TRIM74: variants seen among roughly 807,000 people sequenced by gnomAD.
TRIM74 encodes tripartite motif-containing protein 74.
TRIM74 carries 3 observed loss-of-function variants against 14.5 expected under a neutral mutation model. The ratio of observed to expected loss-of-function variants is 0.21; its 90% CI spans 0.09 to 0.53. The LOEUF (loss-of-function observed/expected upper bound fraction) is 0.53, where lower values mean the gene tolerates loss of function less well. TRIM74 is among the 20% of genes least tolerant of loss of function. The pLI is 0.95. For missense variants in TRIM74, 26 were observed against 174.0 expected (o/e 0.15, Z 4.79); for synonymous variants, 10 against 71.3 (o/e 0.14, Z 4.33).
chr7:72,966,589 A>G (rs1366134542), intron 1 of TRIM74, among the ~76,000 whole-genome samples: 10 of 80,806 alleles, frequency 1.2e-4, no homozygotes, highest in East Asian at 6.0e-4. Context: ...CCAAACTTTC[A>G]GGAAACTGTT....
At chr7:72,967,271 A>T (rs1325316948) in intron 1 of TRIM74, among the ~76,000 whole-genome samples, 1 of 37,106 alleles carries the variant, frequency 2.7e-5, no homozygotes, top group Non-Finnish European at 5.4e-5. Flanking sequence ...GCTGGGGGGC[A>T]GGGGAAGACA....
downstream of TRIM74, chr7:72,955,108 TATA>T (rs1197123166): frequency 0.015 from 2,031 of 131,558 alleles, 32 homozygotes; most frequent in East Asian, 0.066. Flanking sequence ...TATATATATA[TATA>T]TTTTTTTTTT....
At chr7:72,963,046 A>T (rs2129582253) in intron 2 of TRIM74, among the ~76,000 whole-genome samples, 2 of 142,962 alleles carry the variant, frequency 1.4e-5, no homozygotes, top group Admixed American at 1.4e-4. Flanking sequence ...GCTTGGACAC[A>T]GCACGGATTT....
chr7:72,969,322 C>T lies in TRIM74; in HGVS notation c.-56G>A, dbSNP rs1166013635. The T allele has an allele frequency of 8.2e-6, 3 of 364,638 alleles. No homozygotes were observed. Among genetic ancestry groups the T allele is most frequent in the Non-Finnish European group, 1.5e-5 (3 of 204,096 alleles). 22.6% of individuals were successfully genotyped at this position (364,638 alleles called of 1,614,324 possible). On this transcript the variant is annotated 5_prime_UTR_variant, in exon 1 of 5. Transcript: ENST00000285805. ...CCCTGTAAGTGCCCCATCGTGCTCT[C>T]TGTCGCTCCAGTTAGATGCCCCATC...
At chr7:72,967,602 AT>A (rs1170314915) in intron 1 of TRIM74, among the ~76,000 whole-genome samples, 1 of 114,424 alleles carries the variant, frequency 8.7e-6, no homozygotes, top group Non-Finnish European at 1.8e-5. Context: ...AAACTGGCAG[AT>A]GATGGTTCGA....
chr7:72,955,104 TATA>T (rs1263698562), downstream of TRIM74: 277 of 162,408 alleles, frequency 1.7e-3, 3 homozygotes, highest in African/African-American at 8.7e-3. Context: ...TATATATATA[TATA>T]TATATTTTTT....
At chr7:72,955,136 ACT>A (rs1798070974), downstream of TRIM74, among the ~76,000 whole-genome samples, 1 of 132,510 alleles carries the variant, frequency 7.5e-6, no homozygotes, top group Non-Finnish European at 1.6e-5. Flanking sequence ...AGACAAAAAG[ACT>A]CACTCTGTCG....
chr7:72,958,702 G>GT (rs1334839255), downstream of TRIM74, among the ~76,000 whole-genome samples: 1 of 115,234 alleles, frequency 8.7e-6, no homozygotes, highest in Admixed American at 8.7e-5. Flanking sequence ...GGGATTACAG[G>GT]TATGTGCCAC....
At chr7:72,959,993 G>A in intron 4 of TRIM74, 28 bp downstream of exon 4, 1 of 1,608,618 alleles carries the variant, frequency 6.2e-7, no homozygotes, top group East Asian at 2.2e-5. Flanking sequence ...GGCGGGTATG[G>A]GGATGGGACG....
At chr7:72,955,271 A>G (rs1171863237), downstream of TRIM74, among the ~76,000 whole-genome samples, 1 of 122,394 alleles carries the variant, frequency 8.2e-6, no homozygotes, top group African/African-American at 3.4e-5. Flanking sequence ...TAATTTTTGT[A>G]TTTTTAGTAG....
At chr7:72,966,415 G>C (rs1282890019) in intron 1 of TRIM74, among the ~76,000 whole-genome samples, 1 of 144,150 alleles carries the variant, frequency 6.9e-6, no homozygotes, top group African/African-American at 2.9e-5. Flanking sequence ...GTGTGTGTGT[G>C]TGTGTCTACA....
intron 2 of TRIM74, among the ~76,000 whole-genome samples, chr7:72,963,760 C>G (rs2129582358): frequency 7.1e-6 from 1 of 140,092 alleles, no homozygotes; most frequent in South Asian, 2.5e-4. Flanking sequence ...AGCTGAGCTG[C>G]TGGATCCTAA....
At chr7:72,955,160 G>T (rs1427370134), downstream of TRIM74, among the ~76,000 whole-genome samples, 2 of 121,226 alleles carry the variant, frequency 1.6e-5, no homozygotes, top group Non-Finnish European at 3.3e-5. Context: ...GCAGTGTCGC[G>T]ATCTTGGCTC....
chr7:72,966,832 C>T (rs1798290226), intron 1 of TRIM74: 1 of 102,652 alleles, frequency 9.7e-6, no homozygotes, highest in African/African-American at 3.6e-5. Flanking sequence ...CATTGGAATA[C>T]CTAGCTTCTC....
chr7:72,958,708 G>A, downstream of TRIM74, among the ~76,000 whole-genome samples: 1 of 113,164 alleles, frequency 8.8e-6, no homozygotes, highest in African/African-American at 3.9e-5. Flanking sequence ...ACAGGTATGT[G>A]CCACCACACC....
chr7:72,969,533 C>T, upstream of TRIM74: 2 of 1,032,474 alleles, frequency 1.9e-6, no homozygotes, highest in Non-Finnish European at 2.9e-6. Flanking sequence ...TGTGTGGTCC[C>T]GTTACGTGTC....
intron 1 of TRIM74, among the ~76,000 whole-genome samples, 185 bp downstream of exon 1, chr7:72,969,097 CCTT>C (rs1255285875): frequency 6.9e-6 from 1 of 144,710 alleles, no homozygotes; most frequent in Non-Finnish European, 1.5e-5. Flanking sequence ...TCCGAGGGCT[CCTT>C]CAAGGGCGGC....
At chr7:72,955,699 G>T (rs1292006683), downstream of TRIM74, among the ~76,000 whole-genome samples, 8 of 141,296 alleles carry the variant, frequency 5.7e-5, no homozygotes, top group African/African-American at 1.9e-4. Flanking sequence ...TTTTGATGAG[G>T]TCCCACTCCG....
downstream of TRIM74, among the ~76,000 whole-genome samples, chr7:72,955,294 A>G: frequency 7.9e-6 from 1 of 126,726 alleles, no homozygotes; most frequent in Non-Finnish European, 1.6e-5. Context: ...ACGGGGTTTC[A>G]CCATGTTGGC....
Sources: gnomAD v4.1 joint callset for allele counts (sites outside exome capture counted in the v4.1 genomes callset) on GRCh38, gnomAD v4.1.1 for gene constraint, MANE v1.5 for transcripts, NCBI Gene and HGNC (gene_info 2026-07-23, HGNC 2026-07-21) for gene names.